PIP4K2A: variants seen among roughly 807,000 people sequenced by gnomAD.
PIP4K2A encodes phosphatidylinositol 5-phosphate 4-kinase type-2 alpha.
Under a neutral mutation model 42.9 loss-of-function variants are expected in PIP4K2A, and 14 were observed. That is an observed-to-expected ratio of 0.33 (90% CI 0.22 to 0.51). PIP4K2A has a LOEUF of 0.51. Among genes scored for constraint, PIP4K2A ranks in the 20% least tolerant of loss-of-function variants. The pLI is 0.97. For synonymous variants in PIP4K2A, 192 were observed against 192.2 expected (o/e 1.00, Z 0.01); for missense variants, 434 against 519.8 (o/e 0.83, Z 1.61).
In PIP4K2A at chr10:22,655,165, A is replaced by T. The variant is rs371528404; in HGVS notation, c.145-45448T>A. Among the ~76,000 whole-genome samples the T allele has an allele frequency of 2.2e-4, 33 of 152,340 alleles. No homozygotes were observed. In the East Asian group the frequency reaches 5.8e-3, roughly 27 times the overall value. On this transcript the variant is annotated intron_variant, in intron 1 of 9. Coordinates refer to ENST00000376573, the MANE Select transcript of PIP4K2A (RefSeq NM_005028.5). ...CAGAGGACATACACAAGGTAAATTGATAGAAGCCCTGGGATACCACCAGGT... is the reference window on the plus strand; with the variant it reads ...CAGAGGACATACACAAGGTAAATTGTTAGAAGCCCTGGGATACCACCAGGT...
chr10:22,669,023 C>A lies in PIP4K2A; in HGVS notation c.144+45160G>T, dbSNP rs537155508. Reference sequence around the variant, plus strand: ...TTTTGTTGCTAGTTGATAATTTGAACATGTCTATGGAGTTTTCAAGAGCTC... The same window carrying A: ...TTTTGTTGCTAGTTGATAATTTGAAAATGTCTATGGAGTTTTCAAGAGCTC... On this transcript the variant is annotated intron_variant, in intron 1 of 9. Coordinates refer to ENST00000376573, the MANE Select transcript of PIP4K2A (RefSeq NM_005028.5). 7.2e-5 allele frequency among the ~76,000 whole-genome samples: 11 copies of A among 152,220 alleles called. 2 individuals are homozygous for A. The highest frequency in any genetic ancestry group is 2.1e-4 in the South Asian group (1 of 4,822).
intron 1 of PIP4K2A, among the ~76,000 whole-genome samples, chr10:22,709,225 A>G (rs1833873662): frequency 6.6e-6 from 1 of 152,112 alleles, no homozygotes; most frequent in South Asian, 2.1e-4. Context: ...ACTTTTAGGC[A>G]TCATTTACTG....
At chr10:22,623,473 C>T (rs967079843) in intron 1 of PIP4K2A, among the ~76,000 whole-genome samples, 5 of 152,132 alleles carry the variant, frequency 3.3e-5, no homozygotes, top group African/African-American at 9.7e-5. Context: ...CAGAGCTTCT[C>T]TATGTACATT....
chr10:22,646,872 G>A (rs1838895761), intron 1 of PIP4K2A, among the ~76,000 whole-genome samples: 1 of 151,978 alleles, frequency 6.6e-6, no homozygotes, highest in African/African-American at 2.4e-5. Context: ...TCTATTGTAT[G>A]CATATTAAGT....
chr10:22,567,572 G>A, intron 6 of PIP4K2A: 1 of 672,016 alleles, frequency 1.5e-6, no homozygotes, highest in Admixed American at 2.0e-5. Flanking sequence ...TAGGTTTACT[G>A]CACAGGTGGC....
At chr10:22,678,320 A>G (rs1361034176) in intron 1 of PIP4K2A, among the ~76,000 whole-genome samples, 2 of 151,992 alleles carry the variant, frequency 1.3e-5, no homozygotes, top group Non-Finnish European at 2.9e-5. Flanking sequence ...GCGTGTCTTC[A>G]TGTGGTCCCT....
chr10:22,592,685 T>C (rs554887019), intron 3 of PIP4K2A, among the ~76,000 whole-genome samples: 2 of 152,300 alleles, frequency 1.3e-5, no homozygotes, highest in East Asian at 3.9e-4. Context: ...AGATCTCCTC[T>C]TTCTTACATC....
chr10:22,563,564 C>A (rs992351006), intron 6 of PIP4K2A, among the ~76,000 whole-genome samples: 5 of 152,156 alleles, frequency 3.3e-5, no homozygotes, highest in African/African-American at 1.2e-4. Flanking sequence ...TTAACTTTTT[C>A]CTCATTTTCA....
At chr10:22,650,915 G>A (rs538595860) in intron 1 of PIP4K2A, among the ~76,000 whole-genome samples, 136 of 151,608 alleles carry the variant, frequency 9.0e-4, no homozygotes, top group African/African-American at 3.1e-3. Context: ...GGTCTGGCTC[G>A]AGCCACCTCA....
Position 22,714,199 on chromosome 10 carries a change from C to G in PIP4K2A, c.128G>C (p.Trp43Ser), listed in dbSNP as rs184663145. Residue 43 changes from tryptophan (W) to serine (S), a missense_variant, in exon 1 of 10, where the codon TGG becomes TCG. Physicochemically the swap from Trp to Ser is radical, Grantham distance 177. Transcript: ENST00000376573. ...ASDPLLSVLM[W>S]GVNHSINELS... ...AGCCCTTACCGAGTGGTTTACCCCC[C>G]ACATGAGGACGCTGAGCAGCGGGTC... The G allele has an allele frequency of 1.1e-5, 17 of 1,610,560 alleles. No homozygotes were observed. Among genetic ancestry groups the G allele is most frequent in the Non-Finnish European group, 1.3e-5 (15 of 1,178,194 alleles).
intron 4 of PIP4K2A, among the ~76,000 whole-genome samples, chr10:22,585,918 A>G (rs1044816178): frequency 2.6e-5 from 4 of 152,178 alleles, no homozygotes; most frequent in African/African-American, 7.2e-5. Flanking sequence ...TTTTAATTCA[A>G]GTTGAAGCTA....
intron 7 of PIP4K2A, 70 bp from the exon 8 acceptor site, chr10:22,542,117 G>A: frequency 1.4e-6 from 2 of 1,407,798 alleles, no homozygotes; most frequent in Non-Finnish European, 9.7e-7. Context: ...AAGGAGACAA[G>A]CTCGGGTGAC....
At chr10:22,630,832 CA>C (rs2130770136) in intron 1 of PIP4K2A, among the ~76,000 whole-genome samples, 1 of 152,308 alleles carries the variant, frequency 6.6e-6, no homozygotes, top group Non-Finnish European at 1.5e-5. Context: ...TCAATTACTA[CA>C]ACATACTTGG....
chr10:22,662,626 G>C (rs1399295478), intron 1 of PIP4K2A, among the ~76,000 whole-genome samples: 1 of 152,168 alleles, frequency 6.6e-6, no homozygotes, highest in Non-Finnish European at 1.5e-5. Context: ...AAGCTTATTT[G>C]CTGAGTAAAG....
chr10:22,550,756 G>C lies in PIP4K2A; in HGVS notation c.695C>G (p.Thr232Ser). Residue 232 changes from threonine (T) to serine (S), a missense_variant, in exon 7 of 10, where the codon ACT becomes AGT. Transcript: ENST00000376573. ...SDKEKAKELP[T>S]LKDNDFINEG... ...ATTAATGAAATCATTATCTTTCAGA[G>C]TTGGCAGTTCTTTGGCCTAAAACAA... 2 of 1,600,718 alleles carry C rather than the reference G, an allele frequency of 1.2e-6. No homozygotes were observed. Among genetic ancestry groups the C allele is most frequent in the Non-Finnish European group, 8.6e-7 (1 of 1,167,802 alleles).
In PIP4K2A at chr10:22,536,983, C is replaced by G. The variant is rs113961927; in HGVS notation, c.*218G>C. On this transcript the variant is annotated 3_prime_UTR_variant, in exon 10 of 10. Coordinates refer to ENST00000376573, the MANE Select transcript of PIP4K2A (RefSeq NM_005028.5). ...CCCCCCCCCAACACACACACACACA[C>G]ATATACACAAAGTCAGAAATAGCTA... is the stretch of plus-strand genomic sequence containing the variant. The G allele has an allele frequency of 2.4e-6, 1 of 415,260 alleles. No homozygotes were observed. Among genetic ancestry groups the G allele is most frequent in the Non-Finnish European group, 4.4e-6 (1 of 229,574 alleles). 25.7% of individuals were successfully genotyped at this position (415,260 alleles called of 1,614,324 possible). A position where few individuals can be genotyped will look rare whatever the true frequency, so the allele number is the denominator to read the frequency against.
chr10:22,544,781 G>A (rs970082454), intron 7 of PIP4K2A, among the ~76,000 whole-genome samples: 1 of 152,182 alleles, frequency 6.6e-6, no homozygotes, highest in Non-Finnish European at 1.5e-5. Flanking sequence ...GGCCTGGAGA[G>A]CTTGGCCCCA....
At chr10:22,613,227 G>T (rs543381921) in intron 1 of PIP4K2A, among the ~76,000 whole-genome samples, 1 of 152,190 alleles carries the variant, frequency 6.6e-6, no homozygotes, top group African/African-American at 2.4e-5. Flanking sequence ...GTGGAGTGTA[G>T]CAATGGAACC....
At chr10:22,555,097 C>T (rs1238006819) in intron 6 of PIP4K2A, among the ~76,000 whole-genome samples, 1 of 152,232 alleles carries the variant, frequency 6.6e-6, no homozygotes, top group Non-Finnish European at 1.5e-5. Context: ...TCCTGCTTCC[C>T]GTTCGGATAA....
Sources: gnomAD v4.1 joint callset for allele counts (sites outside exome capture counted in the v4.1 genomes callset) on GRCh38, gnomAD v4.1.1 for gene constraint, MANE v1.5 for transcripts, NCBI Gene and HGNC (gene_info 2026-07-23, HGNC 2026-07-21) for gene names.